Variants in KIF13A observed in about 807,000 individuals in gnomAD.
KIF13A encodes the protein kinesin family member 13A.
KIF13A carries 79 observed loss-of-function variants against 212.2 expected under a neutral mutation model. That is an observed-to-expected ratio of 0.37 (90% CI 0.31 to 0.45). The LOEUF (loss-of-function observed/expected upper bound fraction) is 0.45, where lower values mean the gene tolerates loss of function less well. KIF13A is among the 20% of genes least tolerant of loss of function. The pLI, the probability that KIF13A is intolerant of heterozygous loss-of-function variation, is 1.00. For missense variants in KIF13A, 1,901 were observed against 2,209.0 expected (o/e 0.86, Z 2.79); for synonymous variants, 789 against 808.6 (o/e 0.98, Z 0.41).
At position 17,781,317 on chromosome 6, in the gene KIF13A, G is replaced by A. The variant is rs757372005; in HGVS notation, c.3545-16C>T. The A allele has an allele frequency of 9.7e-6, 15 of 1,553,262 alleles. No individual in the cohort carries two copies. Among genetic ancestry groups the A allele is most frequent in the Admixed American group, 2.2e-5 (1 of 45,508 alleles). On this transcript the variant is annotated splice_polypyrimidine_tract_variant and intron_variant, in intron 29 of 38. Coordinates refer to ENST00000259711, the MANE Select transcript of KIF13A (RefSeq NM_022113.6). ...AGGTCATCCGCTAACCACATCAGGAGCACAGAAAAAACAGTAGGGGAAAGT... is the reference window on the plus strand; with the variant it reads ...AGGTCATCCGCTAACCACATCAGGAACACAGAAAAAACAGTAGGGGAAAGT...
chr6:17,828,110 G>T lies in KIF13A; in HGVS notation c.1532+130C>A. The T allele has an allele frequency of 1.3e-6, 1 of 781,294 alleles. No homozygotes were observed. Among genetic ancestry groups the T allele is most frequent in the Non-Finnish European group, 2.0e-6 (1 of 506,878 alleles). 48.4% of individuals were successfully genotyped at this position (781,294 alleles called of 1,614,324 possible). A position where few individuals can be genotyped will look rare whatever the true frequency, so the allele number is the denominator to read the frequency against. Reference sequence around the variant, plus strand: ...AGTAATCACTCTCTACAATCAGAAAGCAAGGGCCCCCTGAGGACCCCCATG... The same window carrying T: ...AGTAATCACTCTCTACAATCAGAAATCAAGGGCCCCCTGAGGACCCCCATG... On this transcript the variant is annotated intron_variant, in intron 14 of 38. Coordinates refer to ENST00000259711, the MANE Select transcript of KIF13A (RefSeq NM_022113.6). The surrounding 1 kb of genome is among the most constrained non-coding windows in gnomAD (Gnocchi z 4.3).
At chr6:17,942,007 A>C (rs1776997749) in intron 2 of KIF13A, among the ~76,000 whole-genome samples, 2 of 152,036 alleles carry the variant, frequency 1.3e-5, no homozygotes, top group African/African-American at 4.8e-5. Flanking sequence ...TTCTATATCA[A>C]CATATATATT....
Position 17,922,332 on chromosome 6 carries a change from T to G in KIF13A, c.147-24152A>C, listed in dbSNP as rs1369006334. Among the ~76,000 whole-genome samples, 3 of 152,192 alleles carry G rather than the reference T, an allele frequency of 2.0e-5. No homozygotes were observed. In the East Asian group the frequency reaches 5.8e-4, roughly 29 times the overall value. On this transcript the variant is annotated intron_variant, in intron 2 of 38. Coordinates refer to ENST00000259711, the MANE Select transcript of KIF13A (RefSeq NM_022113.6). ...CTGTGGCAAGGTGACTTGAGGAGTTTGGAGTCCATGTTGTTTTCCAAACAC... is the reference window on the plus strand; with the variant it reads ...CTGTGGCAAGGTGACTTGAGGAGTTGGGAGTCCATGTTGTTTTCCAAACAC...
chr6:17,876,623 G>GCATTCATT (rs56349524), intron 3 of KIF13A, among the ~76,000 whole-genome samples: 17,508 of 150,670 alleles, frequency 0.12, 1,679 homozygotes, highest in African/African-American at 0.27. Context: ...GTGTGAGACA[G>GCATTCATT]CATTCATTCA....
intron 23 of KIF13A, among the ~76,000 whole-genome samples, chr6:17,796,056 G>A (rs1428717136): frequency 6.6e-6 from 1 of 152,050 alleles, no homozygotes; most frequent in Non-Finnish European, 1.5e-5. Context: ...ATTCCCCATT[G>A]AATTTCTTTG....
At position 17,826,157 on chromosome 6, in the gene KIF13A, TG is replaced by T. The variant is rs2150365779; in HGVS notation, c.1533-34del. 6.5e-7 allele frequency: 1 copy of T among 1,546,456 alleles called. No homozygotes were observed. Among genetic ancestry groups the T allele is most frequent in the Non-Finnish European group, 8.9e-7 (1 of 1,119,680 alleles). On this transcript the variant is annotated intron_variant, in intron 14 of 38. Transcript: ENST00000259711. This position sits in a 1 kb window ranked among gnomAD's most constrained non-coding sequence, Gnocchi z 4.7. Reference sequence around the variant, plus strand: ...AACACGAGGGAAAATACCAGGTAAATGGGAAGGAGCACAAGACCTTGTCCTG... The same window carrying T: ...AACACGAGGGAAAATACCAGGTAAATGGAAGGAGCACAAGACCTTGTCCTG...
rs1763467437 is a variant in KIF13A, at chr6:17,811,940, C to T, written c.2001-3010G>A. On this transcript the variant is annotated intron_variant, in intron 17 of 38. Coordinates refer to ENST00000259711, the MANE Select transcript of KIF13A (RefSeq NM_022113.6). This position sits in a 1 kb window ranked among gnomAD's most constrained non-coding sequence, Gnocchi z 6.0. ...TCAGAGGCATGATCACAGTGCACTA[C>T]AGCTTGAAACTCCTGGGCGCAGGTG... The T allele has an allele frequency of 6.6e-6, 1 of 152,102 alleles. No homozygotes were observed. The highest frequency in any genetic ancestry group is 2.4e-5 in the African/African-American group (1 of 41,390). 9.4% of individuals were successfully genotyped at this position (152,102 alleles called of 1,614,324 possible). A position where few individuals can be genotyped will look rare whatever the true frequency, so the allele number is the denominator to read the frequency against.
chr6:17,869,019 A>AAAAAAAAAACAAAAAAAAAAAAAAAAC (rs1554187445), intron 4 of KIF13A, among the ~76,000 whole-genome samples: 2 of 126,514 alleles, frequency 1.6e-5, no homozygotes, highest in African/African-American at 5.7e-5. Context: ...AAAAAAAAAA[A>AAAAAAAAAACAAAAAAAAAAAAAAAAC]ACACAAATAA....
intron 2 of KIF13A, among the ~76,000 whole-genome samples, chr6:17,959,986 C>T (rs1377995259): frequency 6.6e-6 from 1 of 151,432 alleles, no homozygotes; most frequent in Non-Finnish European, 1.5e-5. Flanking sequence ...CGCGCCATTC[C>T]ACTCAAGCCT....
intron 4 of KIF13A, among the ~76,000 whole-genome samples, chr6:17,857,794 G>A (rs1768283493): frequency 1.3e-5 from 2 of 152,138 alleles, no homozygotes; most frequent in Admixed American, 1.3e-4. Flanking sequence ...CCACTGTGAA[G>A]CATCTACTCT....
intron 9 of KIF13A, among the ~76,000 whole-genome samples, chr6:17,846,065 T>C (rs9477541): frequency 7.2e-4 from 97 of 134,736 alleles, no homozygotes; most frequent in African/African-American, 3.0e-3. Flanking sequence ...TTTTTTTTTT[T>C]CTGAGACAGC....
chr6:17,931,188 C>T (rs1775950891), intron 2 of KIF13A, among the ~76,000 whole-genome samples: 1 of 152,170 alleles, frequency 6.6e-6, no homozygotes. Flanking sequence ...TCTTGGTTGA[C>T]CAGTTTATTC....
At chr6:17,784,342 T>C (rs769092489) in intron 28 of KIF13A, among the ~76,000 whole-genome samples, 6 of 152,092 alleles carry the variant, frequency 3.9e-5, no homozygotes, top group Non-Finnish European at 7.4e-5. Flanking sequence ...GGCTTGAACC[T>C]GGGAGATCGA....
At position 17,777,723 on chromosome 6, in the gene KIF13A, G is replaced by A. The variant is rs1266588463; in HGVS notation, c.4093-369C>T. Among the ~76,000 whole-genome samples the A allele has an allele frequency of 3.3e-5, 5 of 152,000 alleles. No homozygotes were observed. Among genetic ancestry groups the A allele is most frequent in the Non-Finnish European group, 7.4e-5 (5 of 68,016 alleles). ...TATTCTAATTATAAAAGTAACATAT[G>A]TTTATTTATAGATTTAAATATAGAC... On this transcript the variant is annotated intron_variant, in intron 33 of 38. Transcript: ENST00000259711. The surrounding 1 kb of genome is among the most constrained non-coding windows in gnomAD (Gnocchi z 4.4).
chr6:17,877,720 CTG>C (rs1770698663), intron 3 of KIF13A, among the ~76,000 whole-genome samples: 2 of 151,416 alleles, frequency 1.3e-5, no homozygotes, highest in African/African-American at 4.9e-5. Flanking sequence ...ATCCCGGGCA[CTG>C]TGCCCAAGCT....
At chr6:17,969,302 A>T (rs1233374886) in intron 2 of KIF13A, among the ~76,000 whole-genome samples, 2 of 152,238 alleles carry the variant, frequency 1.3e-5, no homozygotes, top group African/African-American at 2.4e-5. Context: ...CTCTACCTCC[A>T]ATCGTGATAT....
rs572596409 is a variant in KIF13A, at chr6:17,768,986, G to A, written c.4581+2128C>T. Among the ~76,000 whole-genome samples the A allele has an allele frequency of 4.0e-5, 6 of 150,202 alleles. No homozygotes were observed. Among genetic ancestry groups the A allele is most frequent in the Middle Eastern group, 3.4e-3 (1 of 290 alleles). On this transcript the variant is annotated intron_variant, in intron 38 of 38. Transcript: ENST00000259711. This position sits in a 1 kb window ranked among gnomAD's most constrained non-coding sequence, Gnocchi z 5.4. ...CATAGCCATGTTTACTATATTTTAT[G>A]TGAAATTACAGAAGTTACTATGGTA... is the stretch of plus-strand genomic sequence containing the variant.
intron 11 of KIF13A, among the ~76,000 whole-genome samples, chr6:17,835,919 T>C (rs1765913725): frequency 6.6e-6 from 1 of 152,156 alleles, no homozygotes; most frequent in African/African-American, 2.4e-5. Flanking sequence ...CCAACTACAG[T>C]GGGGTCAGAA....
At chr6:17,955,968 A>G (rs1778323558) in intron 2 of KIF13A, among the ~76,000 whole-genome samples, 1 of 152,212 alleles carries the variant, frequency 6.6e-6, no homozygotes, top group African/African-American at 2.4e-5. Context: ...TCCTGAAAAG[A>G]CTGCCATATT....
Sources: gnomAD v4.1 joint callset for allele counts (sites outside exome capture counted in the v4.1 genomes callset) on GRCh38, gnomAD v4.1.1 for gene constraint, Gnocchi (gnomAD v3.1) non-coding constraint, MANE v1.5 for transcripts, NCBI Gene and HGNC (gene_info 2026-07-23, HGNC 2026-07-21) for gene names.